OARD1: variants seen among roughly 807,000 people sequenced by gnomAD.
The protein encoded by OARD1 is O-acyl-ADP-ribose deacylase 1.
OARD1 carries 19 observed loss-of-function variants against 19.7 expected under a neutral mutation model. The observed-to-expected ratio is 0.96, with a 90% CI of 0.67 to 1.41. OARD1 has a LOEUF of 1.41. Among genes scored for constraint, OARD1 ranks in the 40% most tolerant of loss-of-function variants. OARD1 has a pLI of 0.00. For synonymous variants in OARD1, 70 were observed against 61.8 expected (o/e 1.13, Z -0.62); for missense variants, 190 against 183.8 (o/e 1.03, Z -0.20).
intron 4 of OARD1, 186 bp downstream of exon 4, chr6:41,069,890 C>G (rs556704603): frequency 3.1e-6 from 2 of 654,996 alleles, no homozygotes; most frequent in Non-Finnish European, 5.6e-6. Flanking sequence ...CTTTCTAACC[C>G]AGTGCTCCAA....
intron 1 of OARD1, chr6:41,093,162 T>C: frequency 3.0e-6 from 4 of 1,336,800 alleles, no homozygotes; most frequent in African/African-American, 1.5e-5. Context: ...TTATATGGCT[T>C]GTTTTCTCAC....
intron 1 of OARD1, among the ~76,000 whole-genome samples, chr6:41,078,248 G>A (rs1283781495): frequency 6.6e-6 from 1 of 152,140 alleles, no homozygotes; most frequent in Non-Finnish European, 1.5e-5. Context: ...CTTTCACACT[G>A]TATTGAGACA....
rs573675949 is a variant in OARD1 at position 41,067,379 on chromosome 6, C to G, written c.415G>C (p.Val139Leu). The change falls in exon 6 of 6, where the codon GTA becomes CTA. Residue 139 changes from valine (V) to leucine (L), a missense_variant. Physicochemically the swap from Val to Leu is conservative, Grantham distance 32. Transcript: ENST00000424266. ...ATTTTGATGTCTGTTGCCTCAAATA[C>G]CTCCTCGATCATCGCAGATACATTT... ...WENVSAMIEE[V>L]FEATDIKITV... 1.2e-6 allele frequency: 2 copies of G among 1,613,618 alleles called. No homozygotes were observed. Among genetic ancestry groups the G allele is most frequent in the Non-Finnish European group, 1.7e-6 (2 of 1,179,684 alleles).
Position 41,068,970 on chromosome 6 carries a change from C to A in OARD1, c.244-17G>T. On this transcript the variant is annotated splice_polypyrimidine_tract_variant and intron_variant, in intron 4 of 5. Coordinates refer to ENST00000424266, the MANE Select transcript of OARD1 (RefSeq NM_001329686.2). ...CTTTGTAATCTGAACACAAAGGATT[C>A]AAACTTTCATCATCCCAAAATGATA... The A allele has an allele frequency of 7.1e-7, 1 of 1,406,808 alleles. No individual in the cohort carries two copies. 87.1% of individuals were successfully genotyped at this position (1,406,808 alleles called of 1,614,324 possible).
At chr6:41,095,706 C>T (rs1006992992) in intron 1 of OARD1, among the ~76,000 whole-genome samples, 4 of 152,240 alleles carry the variant, frequency 2.6e-5, no homozygotes, top group Non-Finnish European at 5.9e-5. Flanking sequence ...GCTAGGATTA[C>T]AGGCGCACAC....
intron 1 of OARD1, chr6:41,083,980 T>G: frequency 2.7e-6 from 4 of 1,463,524 alleles, no homozygotes; most frequent in Non-Finnish European, 3.7e-6. Flanking sequence ...TTCCAGTGAT[T>G]GTCTTTTGGT....
Position 41,068,830 on chromosome 6 carries a change from G to A in OARD1, c.356+11C>T. On this transcript the variant is annotated intron_variant, in intron 5 of 5. Transcript: ENST00000424266. The stretch of plus-strand genomic sequence containing the variant: ...AATTAAATCTCCATTTAGGACCATG[G>A]ATTTCCTTGCCTGGGCATGGAGAGG... 1 of 1,405,474 alleles carries A rather than the reference G, an allele frequency of 7.1e-7. No homozygotes were observed. The allele number at this position is 1,405,474 out of a possible 1,614,324, so 87.1% of individuals were successfully genotyped here.
chr6:41,068,052 C>T (rs531875464), intron 5 of OARD1, among the ~76,000 whole-genome samples: 2 of 151,972 alleles, frequency 1.3e-5, no homozygotes, highest in South Asian at 2.1e-4. Context: ...AATTTCATGT[C>T]ATAATGTGAT....
At chr6:41,083,917 A>G in intron 1 of OARD1, 9 of 858,562 alleles carry the variant, frequency 1.0e-5, no homozygotes, top group Non-Finnish European at 1.5e-5. Context: ...CTTGAGACAT[A>G]TATTTTCTTA....
At chr6:41,084,435 G>C (rs960473544) in intron 1 of OARD1, among the ~76,000 whole-genome samples, 2 of 152,100 alleles carry the variant, frequency 1.3e-5, no homozygotes, top group African/African-American at 4.8e-5. Flanking sequence ...TATATGAAGA[G>C]GTTAGAATCT....
intron 1 of OARD1, among the ~76,000 whole-genome samples, chr6:41,090,805 A>G (rs1394213336): frequency 2.0e-5 from 3 of 152,254 alleles, no homozygotes; most frequent in Non-Finnish European, 4.4e-5. Context: ...TGTTCTAGGA[A>G]TAGATAACAT....
chr6:41,080,620 A>C (rs1582023862), intron 1 of OARD1, among the ~76,000 whole-genome samples: 1 of 152,198 alleles, frequency 6.6e-6, no homozygotes, highest in Non-Finnish European at 1.5e-5. Context: ...TTTGAGGTCC[A>C]CTCTGGAGAC....
chr6:41,081,501 A>C (rs551954911), intron 1 of OARD1, among the ~76,000 whole-genome samples: 49 of 152,254 alleles, frequency 3.2e-4, no homozygotes, highest in African/African-American at 9.1e-4. Context: ...AAAAAAAAAA[A>C]AAGAATTTAT....
Position 41,094,314 on chromosome 6 carries a change from T to C in OARD1, c.-42+3399A>G, listed in dbSNP as rs572346592. On this transcript the variant is annotated intron_variant, in intron 1 of 4. Transcript: ENST00000480585. ...CTTTGATCCCAGCTGTCTTAAACTT[T>C]GGAGAATGGAATTTGTGCACTAGAT... 1.9e-4 allele frequency: 231 copies of C among 1,198,514 alleles called. 3 individuals carry two copies. In the South Asian group the frequency reaches 2.8e-3, roughly 15 times the overall value. 74.2% of individuals were successfully genotyped at this position (1,198,514 alleles called of 1,614,324 possible). A position where few individuals can be genotyped will look rare whatever the true frequency, so the allele number is the denominator to read the frequency against.
intron 1 of OARD1, among the ~76,000 whole-genome samples, chr6:41,081,053 T>C (rs1252903116): frequency 6.6e-6 from 1 of 152,234 alleles, no homozygotes; most frequent in Non-Finnish European, 1.5e-5. Context: ...GATGCCAGTT[T>C]CCTAATATTT....
At chr6:41,068,569 A>G (rs748165189) in intron 5 of OARD1, among the ~76,000 whole-genome samples, 3 of 152,242 alleles carry the variant, frequency 2.0e-5, no homozygotes, top group Non-Finnish European at 4.4e-5. Flanking sequence ...CAACAAATGT[A>G]GCTGAATGAC....
At position 41,067,198 on chromosome 6, in the gene OARD1, C is replaced by A; in HGVS notation, c.*137G>T. 1 of 509,986 alleles carries A rather than the reference C, an allele frequency of 2.0e-6. No homozygotes were observed. The highest frequency in any genetic ancestry group is 3.6e-6 in the Non-Finnish European group (1 of 274,864). 31.6% of individuals were successfully genotyped at this position (509,986 alleles called of 1,614,324 possible). A position where few individuals can be genotyped will look rare whatever the true frequency, so the allele number is the denominator to read the frequency against. On this transcript the variant is annotated 3_prime_UTR_variant, in exon 6 of 6. Transcript: ENST00000424266. ...TCATAATCCAAATACTTGAATACAG[C>A]AACCAAAGTCTGTCTTGTTAAACAC...
At chr6:41,071,546 T>G in intron 2 of OARD1, 50 bp downstream of exon 2, 1 of 1,449,876 alleles carries the variant, frequency 6.9e-7, no homozygotes, top group Non-Finnish European at 9.7e-7. Flanking sequence ...GCTTTTGACC[T>G]CCATTATTAC....
intron 1 of OARD1, among the ~76,000 whole-genome samples, chr6:41,081,272 G>A (rs961695228): frequency 3.3e-5 from 5 of 152,072 alleles, no homozygotes; most frequent in Non-Finnish European, 5.9e-5. Context: ...GGCGGATCAC[G>A]AGGTCAGGAG....
Sources: gnomAD v4.1 joint callset for allele counts (sites outside exome capture counted in the v4.1 genomes callset) on GRCh38, gnomAD v4.1.1 for gene constraint, MANE v1.5 for transcripts, NCBI Gene and HGNC (gene_info 2026-07-23, HGNC 2026-07-21) for gene names.